Variants in MOGAT3 observed in about 807,000 individuals in gnomAD.
The protein encoded by MOGAT3 is monoacylglycerol O-acyltransferase 3, also known as 2-acylglycerol O-acyltransferase 3.
In MOGAT3, 39 loss-of-function variants were observed where a neutral mutation model predicts 34.4. The observed-to-expected ratio is 1.13, with a 90% CI of 0.88 to 1.48. MOGAT3 has a LOEUF of 1.48. MOGAT3 is among the 40% of genes most tolerant of loss of function. MOGAT3 has a pLI of 0.00. For synonymous variants in MOGAT3, 209 were observed against 179.2 expected, an observed-to-expected ratio of 1.17 and a Z score of -1.33; for missense variants, 439 against 438.9, an observed-to-expected ratio of 1.00 and a Z score of 0.00.
At chr7:101,199,596 T>C (rs1797894815) in intron 3 of MOGAT3, among the ~76,000 whole-genome samples, 1 of 147,810 alleles carries the variant, frequency 6.8e-6, no homozygotes, top group Non-Finnish European at 1.5e-5. Context: ...GATTAAAGGC[T>C]TGAGCCACCA....
downstream of MOGAT3, among the ~76,000 whole-genome samples, chr7:101,192,891 G>T (rs571968310): frequency 8.6e-5 from 13 of 152,024 alleles, no homozygotes; most frequent in African/African-American, 2.9e-4. Flanking sequence ...GGCAAACACG[G>T]TGAAACCCCA....
rs1298800008 is a variant in MOGAT3 at position 101,196,051 on chromosome 7, T to C, written c.921A>G (p.Glu307=). ...TGTAGAGGGCGTGATAGTGATTGAC[T>C]TCCTCCTCGGTGGGGTGGAGGCGCT... ...VPQRLHPTEE[E]VNHYHALYMT... Residue 307 remains glutamate (E), a synonymous_variant, in exon 7 of 7, where the codon GAA becomes GAG. Coordinates refer to ENST00000223114, the MANE Select transcript of MOGAT3 (RefSeq NM_178176.4). 10 of 1,613,860 alleles carry C rather than the reference T, an allele frequency of 6.2e-6. No individual in the cohort carries two copies. The highest frequency in any genetic ancestry group is 8.5e-6 in the Non-Finnish European group (10 of 1,179,870).
At position 101,195,940 on chromosome 7, in the gene MOGAT3, C is replaced by G. The variant is rs1584235949; in HGVS notation, c.*6G>C. On this transcript the variant is annotated 3_prime_UTR_variant, in exon 7 of 7. Coordinates refer to ENST00000223114, the MANE Select transcript of MOGAT3 (RefSeq NM_178176.4). ...TCAGGGGCTCAGCGAAAGGCCGCGG[C>G]CAGGCCTAGATGAAGGTGAGGCAGG... 6.2e-7 allele frequency: 1 copy of G among 1,613,920 alleles called. No individual in the cohort carries two copies. The highest frequency in any genetic ancestry group is 1.3e-5 in the African/African-American group (1 of 74,900).
chr7:101,196,386 C>T lies in MOGAT3; in HGVS notation c.672G>A (p.Ala224=), dbSNP rs140645427. The T allele has an allele frequency of 1.2e-4, 185 of 1,607,968 alleles. 1 individual carries two copies. Among genetic ancestry groups the T allele is most frequent in the East Asian group, 8.7e-4 (39 of 44,856 alleles). ...GFVRLALRHG[A]SLVPVYSFGE... is the part of the protein sequence containing the mutation. ...CAAAGGAGTACACGGGCACCAGGGA[C>T]GCCCTGGGAAGGAGCAAGAGAGAAG... The change falls in exon 6 of 7, where the codon GCG becomes GCA. Residue 224 remains alanine (A), a synonymous_variant. Coordinates refer to ENST00000223114, the MANE Select transcript of MOGAT3 (RefSeq NM_178176.4).
chr7:101,200,836 GGGTTGTGGCAA>G lies in MOGAT3; in HGVS notation c.8_18del (p.Val3AlafsTer120). On this transcript the variant is annotated frameshift_variant, in exon 1 of 7. Coordinates refer to ENST00000223114, the MANE Select transcript of MOGAT3 (RefSeq NM_178176.4). LOFTEE classifies it high-confidence loss of function. Reference sequence around the variant, plus strand: ...GTTTTGGAAGTGGTTGGGGGCTGCAGGGTTGTGGCAACTCCCATTGCAGAAGCTCCCCTCTT... The same window carrying G: ...GTTTTGGAAGTGGTTGGGGGCTGCAGCTCCCATTGCAGAAGCTCCCCTCTT... 6.2e-7 allele frequency: 1 copy of G among 1,613,978 alleles called. No homozygotes were observed. The highest frequency in any genetic ancestry group is 8.5e-7 in the Non-Finnish European group (1 of 1,179,950).
In MOGAT3 at chr7:101,195,219, A is replaced by AT. The variant is rs5886170; in HGVS notation, c.*726dup. 16,703 of 145,038 alleles carry AT rather than the reference A, an allele frequency of 0.12. 1,026 individuals carry two copies. The highest frequency in any genetic ancestry group is 0.17 in the South Asian group (767 of 4,584). The allele number at this position is 145,038 out of a possible 1,614,324, so 9.0% of individuals were successfully genotyped here. Reference sequence around the variant, plus strand: ...CCAGAACGATTATAGCTTTAACAACATTTTTTTTTTTTTGAGATGGAATCT... The same window carrying AT: ...CCAGAACGATTATAGCTTTAACAACATTTTTTTTTTTTTTGAGATGGAATCT... On this transcript the variant is annotated 3_prime_UTR_variant, in exon 7 of 7. Transcript: ENST00000223114.
At position 101,195,839 on chromosome 7, in the gene MOGAT3, C is replaced by T. The variant is rs1181116554; in HGVS notation, c.*107G>A. 4 of 1,246,992 alleles carry T rather than the reference C, an allele frequency of 3.2e-6. No individual in the cohort carries two copies. Among genetic ancestry groups the T allele is most frequent in the South Asian group, 1.3e-5 (1 of 75,016 alleles). 77.2% of individuals were successfully genotyped at this position (1,246,992 alleles called of 1,614,324 possible). A position where few individuals can be genotyped will look rare whatever the true frequency, so the allele number is the denominator to read the frequency against. On this transcript the variant is annotated 3_prime_UTR_variant, in exon 7 of 7. Coordinates refer to ENST00000223114, the MANE Select transcript of MOGAT3 (RefSeq NM_178176.4). ...AAGTGCTGGGATTACAGGCATGAGGCACTGCGCTGGGCCCAGAACTACCTT... is the reference window on the plus strand; with the variant it reads ...AAGTGCTGGGATTACAGGCATGAGGTACTGCGCTGGGCCCAGAACTACCTT...
chr7:101,198,744 A>T lies in MOGAT3; in HGVS notation c.375T>A (p.Cys125Ter). 1.2e-6 allele frequency: 2 copies of T among 1,613,898 alleles called. No homozygotes were observed. Among genetic ancestry groups the T allele is most frequent in the Non-Finnish European group, 1.7e-6 (2 of 1,179,968 alleles). ...PHGIMCTGFL[C>*]NFSTESNGFS... ...AGCCATTGCTCTCGGTGGAGAAATT[A>T]CAGAGGAAGCCTGTACACATGATCC... is the stretch of plus-strand genomic sequence containing the variant. Residue 125 changes from cysteine (C) to a stop codon, truncating the protein, a stop_gained, in exon 4 of 7, where the codon TGT becomes TGA. Transcript: ENST00000223114. LOFTEE classifies it high-confidence loss of function.
chr7:101,198,132 A>T lies in MOGAT3; in HGVS notation c.668+59T>A. ...CATGCAGGGACCTAGATGTCTGGGG[A>T]CTGAGAGAGGGCATAAACCAGCAGA... On this transcript the variant is annotated intron_variant, in intron 5 of 6. Coordinates refer to ENST00000223114, the MANE Select transcript of MOGAT3 (RefSeq NM_178176.4). 4.5e-6 allele frequency: 7 copies of T among 1,546,504 alleles called. No individual in the cohort carries two copies. The Middle Eastern group carries it at 5.2e-4, about 114-fold the overall frequency.
At chr7:101,196,851 A>T (rs940445798) in intron 5 of MOGAT3, among the ~76,000 whole-genome samples, 3 of 152,160 alleles carry the variant, frequency 2.0e-5, no homozygotes, top group Non-Finnish European at 2.9e-5. Context: ...TCTGGGTGAC[A>T]GAGTGAGACT....
At chr7:101,198,945 G>T in intron 3 of MOGAT3, 115 bp from the exon 4 acceptor site, 1 of 848,408 alleles carries the variant, frequency 1.2e-6, no homozygotes, top group Non-Finnish European at 1.9e-6. Flanking sequence ...AGGGTCAAGG[G>T]CCACCCCAGC....
chr7:101,194,544 C>T (rs1341321385), downstream of MOGAT3, among the ~76,000 whole-genome samples: 1 of 142,080 alleles, frequency 7.0e-6, no homozygotes, highest in Non-Finnish European at 1.5e-5. Context: ...GCTCTGTCTC[C>T]CATGTTGGAG....
In MOGAT3 at chr7:101,195,864, T is replaced by G; in HGVS notation, c.*82A>C. Reference sequence around the variant, plus strand: ...CACTGCGCTGGGCCCAGAACTACCTTTTATTGGAGGCATGGAGTCCACAGT... The same window carrying G: ...CACTGCGCTGGGCCCAGAACTACCTGTTATTGGAGGCATGGAGTCCACAGT... On this transcript the variant is annotated 3_prime_UTR_variant, in exon 7 of 7. Coordinates refer to ENST00000223114, the MANE Select transcript of MOGAT3 (RefSeq NM_178176.4). The G allele has an allele frequency of 3.2e-5, 46 of 1,451,816 alleles. No homozygotes were observed. The highest frequency in any genetic ancestry group is 3.9e-5 in the Non-Finnish European group (41 of 1,042,698). The allele number at this position is 1,451,816 out of a possible 1,614,324, so 89.9% of individuals were successfully genotyped here.
chr7:101,194,498 CTTTTTTT>C (rs34849826), downstream of MOGAT3, among the ~76,000 whole-genome samples: 1 of 95,522 alleles, frequency 1.0e-5, no homozygotes. Context: ...AGGACATAAG[CTTTTTTT>C]TTTTTTTTTT....
rs1435670965 is a variant in MOGAT3 at position 101,200,848 on chromosome 7, C to T, written c.7G>A (p.Val3Ile). The part of the protein sequence containing the change: MG[V>I]ATTLQPPTTS... Reference sequence around the variant, plus strand: ...GTTGGGGGCTGCAGGGTTGTGGCAACTCCCATTGCAGAAGCTCCCCTCTTC... The same window carrying T: ...GTTGGGGGCTGCAGGGTTGTGGCAATTCCCATTGCAGAAGCTCCCCTCTTC... Residue 3 changes from valine to isoleucine, a missense_variant, in exon 1 of 7, where the codon GTT becomes ATT. Coordinates refer to ENST00000223114, the MANE Select transcript of MOGAT3 (RefSeq NM_178176.4). 1.2e-6 allele frequency: 2 copies of T among 1,613,006 alleles called. No homozygotes were observed. The highest frequency in any genetic ancestry group is 4.5e-5 in the East Asian group (2 of 44,858).
intron 3 of MOGAT3, among the ~76,000 whole-genome samples, chr7:101,200,025 G>A (rs758981920): frequency 2.6e-5 from 4 of 151,736 alleles, no homozygotes; most frequent in Middle Eastern, 6.8e-3. Context: ...CCTAGGAGGC[G>A]GAGGTTGCAA....
At chr7:101,198,170 A>G in intron 5 of MOGAT3, 21 bp downstream of exon 5, 1 of 1,597,960 alleles carries the variant, frequency 6.3e-7, no homozygotes, top group South Asian at 1.1e-5. Flanking sequence ...ACTGACAGGT[A>G]GGGCCTGCAC....
At chr7:101,199,816 G>A (rs1797903725) in intron 3 of MOGAT3, among the ~76,000 whole-genome samples, 1 of 151,268 alleles carries the variant, frequency 6.6e-6, no homozygotes. Flanking sequence ...CTCCCAGGCC[G>A]GGCGCGGTGG....
At position 101,198,083 on chromosome 7, in the gene MOGAT3, TG is replaced by T. The variant is rs112477279; in HGVS notation, c.668+107del. On this transcript the variant is annotated intron_variant, in intron 5 of 6. Coordinates refer to ENST00000223114, the MANE Select transcript of MOGAT3 (RefSeq NM_178176.4). ...TGGGCCTCGGTGCAGGGCAGGGCGC[TG>T]GTCTCTGGGCACCCGGATCCCCCAT... 2.0e-3 allele frequency: 2,563 copies of T among 1,303,868 alleles called. 38 individuals are homozygous for T. The African/African-American group carries it at 0.033, about 17-fold the overall frequency. 80.8% of individuals were successfully genotyped at this position (1,303,868 alleles called of 1,614,324 possible).
Sources: allele counts gnomAD v4.1 joint callset (sites outside exome capture counted in the v4.1 genomes callset), GRCh38; gene constraint gnomAD v4.1.1; transcripts MANE v1.5; gene names NCBI Gene and HGNC (gene_info 2026-07-23, HGNC 2026-07-21).